The following NBPF11 variants were observed in gnomAD, a reference collection of about 807,000 sequenced individuals.
The protein encoded by NBPF11 is NBPF member 11.
A neutral mutation model predicts 93.9 loss-of-function variants in NBPF11; 72 were observed. That is an observed-to-expected ratio of 0.77 (90% CI 0.63 to 0.93). The LOEUF (loss-of-function observed/expected upper bound fraction) is 0.93, where lower values mean the gene tolerates loss of function less well. Among genes scored for constraint, NBPF11 ranks in the 40% least tolerant of loss-of-function variants. The probability of loss-of-function intolerance (pLI) is 0.00; values close to 1 mark genes in which losing one functional copy is unlikely to be tolerated. For synonymous variants in NBPF11, 224 were observed against 304.9 expected (o/e 0.73, Z 2.76); for missense variants, 705 against 802.2 (o/e 0.88, Z 1.46).
At chr1:148,108,214 T>C (rs1317022353) in intron 18 of NBPF11, among the ~76,000 whole-genome samples, 1 of 151,322 alleles carries the variant, frequency 6.6e-6, no homozygotes, top group Non-Finnish European at 1.5e-5. Context: ...TTGTGTGAAT[T>C]TGTCACATCT....
chr1:148,138,560 C>T (rs1216680996), intron 2 of NBPF11, among the ~76,000 whole-genome samples: 3 of 151,710 alleles, frequency 2.0e-5, no homozygotes, highest in Non-Finnish European at 2.9e-5. Flanking sequence ...GGTGATGACT[C>T]TTAACAAGCA....
intron 2 of NBPF11, among the ~76,000 whole-genome samples, chr1:148,140,371 C>T (rs1232045014): frequency 7.3e-5 from 11 of 151,434 alleles, no homozygotes; most frequent in African/African-American, 2.7e-4. Flanking sequence ...ATGATGGCTT[C>T]TTAAATACAA....
chr1:148,128,034 C>A (rs1374935436), intron 4 of NBPF11, among the ~76,000 whole-genome samples: 6 of 149,190 alleles, frequency 4.0e-5, no homozygotes, highest in African/African-American at 1.5e-4. Flanking sequence ...TTGTTTTGGC[C>A]AAGTAATATC....
intron 1 of NBPF11, among the ~76,000 whole-genome samples, chr1:148,147,925 C>T (rs6662787): frequency 6.6e-6 from 1 of 151,846 alleles, no homozygotes; most frequent in Non-Finnish European, 1.5e-5. Context: ...TCCTGCTGCC[C>T]CTTTGTCCTG....
intron 1 of NBPF11, chr1:148,146,398 A>T (rs1673083269): frequency 6.3e-7 from 1 of 1,597,572 alleles, no homozygotes; most frequent in Admixed American, 1.7e-5. Flanking sequence ...GCCCGCCATG[A>T]ACGGGCTGTC....
chr1:148,132,268 C>CAT (rs1330588200), intron 4 of NBPF11, among the ~76,000 whole-genome samples: 6 of 143,646 alleles, frequency 4.2e-5, no homozygotes, highest in Non-Finnish European at 6.1e-5. Context: ...GGTGTGTATA[C>CAT]ATATATATAT....
chr1:148,138,237 C>T (rs1471631996), intron 2 of NBPF11, among the ~76,000 whole-genome samples: 2 of 151,220 alleles, frequency 1.3e-5, no homozygotes, highest in Admixed American at 1.3e-4. Context: ...CGGTTTTCTC[C>T]TATCTCAGTA....
intron 1 of NBPF11, among the ~76,000 whole-genome samples, chr1:148,147,363 G>A (rs1302654432): frequency 2.6e-5 from 4 of 152,048 alleles, no homozygotes; most frequent in Non-Finnish European, 2.9e-5. Context: ...CTGTGGCTGC[G>A]GAGCTTGGCC....
chr1:148,113,122 T>A (rs1356572087), intron 15 of NBPF11, among the ~76,000 whole-genome samples: 1 of 151,976 alleles, frequency 6.6e-6, no homozygotes, highest in Non-Finnish European at 1.5e-5. Flanking sequence ...CATAACCATA[T>A]TAACCTTAAA....
intron 15 of NBPF11, among the ~76,000 whole-genome samples, chr1:148,113,821 C>G (rs1665851930): frequency 1.6e-5 from 1 of 63,490 alleles, no homozygotes; most frequent in South Asian, 5.9e-4. Flanking sequence ...TCACTGAAAA[C>G]TGCACAACTA....
At chr1:148,105,822 A>G (rs1663460100) in intron 21 of NBPF11, among the ~76,000 whole-genome samples, 1 of 140,324 alleles carries the variant, frequency 7.1e-6, no homozygotes, top group Non-Finnish European at 1.5e-5. Flanking sequence ...CAGGTGACAC[A>G]CTGATGAGGG....
chr1:148,106,289 C>G lies in NBPF11; in HGVS notation c.2252-57G>C, dbSNP rs1471064393. On this transcript the variant is annotated intron_variant, in intron 20 of 23. Coordinates refer to ENST00000682118, the MANE Select transcript of NBPF11 (RefSeq NM_001385469.3). ...TAAGCCAATTCACCTACACCCATAA[C>G]AGTCCACTGTCTAATCCCCACACAG... is the stretch of plus-strand genomic sequence containing the variant. 2.4e-5 allele frequency: 15 copies of G among 622,498 alleles called. No homozygotes were observed. The Middle Eastern group carries it at 1.3e-3, about 54-fold the overall frequency. 38.6% of individuals were successfully genotyped at this position (622,498 alleles called of 1,614,324 possible).
intron 15 of NBPF11, among the ~76,000 whole-genome samples, chr1:148,114,068 AG>A (rs1281364085): frequency 7.7e-6 from 1 of 130,632 alleles, no homozygotes; most frequent in Non-Finnish European, 1.6e-5. Context: ...AGAGAAGCAA[AG>A]CAAACAAATT....
intron 9 of NBPF11, among the ~76,000 whole-genome samples, chr1:148,121,847 C>A (rs1265092120): frequency 7.4e-6 from 1 of 134,650 alleles, no homozygotes; most frequent in African/African-American, 2.8e-5. Context: ...TCACCATATA[C>A]TCCAGGCTGG....
chr1:148,129,188 C>T (rs1196091595), intron 4 of NBPF11, among the ~76,000 whole-genome samples: 3 of 125,488 alleles, frequency 2.4e-5, no homozygotes, highest in East Asian at 2.6e-4. Flanking sequence ...CATGTATACA[C>T]GTATATATAA....
chr1:148,132,198 AATATATAT>A (rs1322200615), intron 4 of NBPF11, among the ~76,000 whole-genome samples: 1 of 138,686 alleles, frequency 7.2e-6, no homozygotes, highest in Admixed American at 7.1e-5. Flanking sequence ...CAAAACGGTG[AATATATAT>A]ATATATATAC....
chr1:148,126,708 A>G (rs1669204438), intron 5 of NBPF11, 121 bp downstream of exon 5: 1 of 648,742 alleles, frequency 1.5e-6, no homozygotes. Flanking sequence ...CTTTAACAAA[A>G]TGTTAAAATA....
intron 4 of NBPF11, among the ~76,000 whole-genome samples, chr1:148,127,681 C>A (rs1365865830): frequency 9.0e-6 from 1 of 111,426 alleles, no homozygotes; most frequent in Admixed American, 1.0e-4. Flanking sequence ...CTCACTCTGT[C>A]GCCCAGGCTG....
chr1:148,103,740 T>G lies in NBPF11; in HGVS notation c.*156A>C. ...CTCACCGTCAAAGTAAAAAACCTAT[T>G]GTCCATGTCAAGGGCAAAGCTGATG... is the stretch of plus-strand genomic sequence containing the variant. On this transcript the variant is annotated 3_prime_UTR_variant, in exon 24 of 24. Transcript: ENST00000682118. The G allele has an allele frequency of 6.2e-7, 1 of 1,611,664 alleles. No individual in the cohort carries two copies. The highest frequency in any genetic ancestry group is 8.5e-7 in the Non-Finnish European group (1 of 1,179,410).
Sources: allele counts gnomAD v4.1 joint callset (sites outside exome capture counted in the v4.1 genomes callset), GRCh38; gene constraint gnomAD v4.1.1; transcripts MANE v1.5; gene names NCBI Gene and HGNC (gene_info 2026-07-23, HGNC 2026-07-21).